WDR17: variants seen among roughly 807,000 people sequenced by gnomAD.
WDR17 encodes WD repeat domain 17, also known as WD repeat-containing protein 17.
A neutral mutation model predicts 161.7 loss-of-function variants in WDR17; 143 were observed. The ratio of observed to expected loss-of-function variants is 0.88; its 90% CI spans 0.77 to 1.02. The LOEUF (loss-of-function observed/expected upper bound fraction) is 1.02. Ranked by LOEUF, WDR17 falls within the 50% of genes least tolerant of loss-of-function variation. The pLI, the probability that WDR17 is intolerant of heterozygous loss-of-function variation, is 0.00. For synonymous variants in WDR17, 517 were observed against 515.6 expected, an observed-to-expected ratio of 1.00 and a Z score of -0.04; for missense variants, 1,469 against 1,520.9, an observed-to-expected ratio of 0.97 and a Z score of 0.57.
chr4:176,148,140 C>T lies in WDR17; in HGVS notation c.1702C>T (p.Arg568Ter), dbSNP rs556941855. Residue 568 changes from arginine (R) to a stop codon, truncating the protein, a stop_gained, in exon 13 of 29, where the codon CGA becomes TGA. Coordinates refer to ENST00000508596, the MANE Select transcript of WDR17 (RefSeq NM_181265.4). LOFTEE classifies it high-confidence loss of function. ...ATAATATTCTGTTTTCAGTACCGTT[C>T]GAATCTGGGATTATACTCAGGATGC... ...LCSGSDDGTV[R>*]IWDYTQDACI... 3.1e-6 allele frequency: 5 copies of T among 1,613,636 alleles called. No individual in the cohort carries two copies. The highest frequency in any genetic ancestry group is 3.3e-5 in the Admixed American group (2 of 59,996).
At chr4:176,134,308 C>T (rs962758677) in intron 7 of WDR17, among the ~76,000 whole-genome samples, 1 of 151,686 alleles carries the variant, frequency 6.6e-6, no homozygotes, top group African/African-American at 2.4e-5. Flanking sequence ...CTCTAGATCC[C>T]AAATGTTAGT....
intron 1 of WDR17, among the ~76,000 whole-genome samples, chr4:176,109,995 A>C (rs1438749198): frequency 6.6e-6 from 1 of 152,204 alleles, no homozygotes; most frequent in Non-Finnish European, 1.5e-5. Flanking sequence ...TTAAGATTAT[A>C]ATCACTACTT....
At chr4:176,120,202 C>A in intron 4 of WDR17, 105 bp downstream of exon 4, 3 of 743,394 alleles carry the variant, frequency 4.0e-6, no homozygotes, top group East Asian at 2.9e-5. Context: ...TGAATAAAAC[C>A]AAAAGTGACA....
At chr4:176,111,054 T>C (rs369782935) in intron 1 of WDR17, among the ~76,000 whole-genome samples, 3 of 152,276 alleles carry the variant, frequency 2.0e-5, no homozygotes, top group Admixed American at 2.0e-4. Flanking sequence ...GGATGAAGAG[T>C]TGATGTAAAA....
At chr4:176,119,783 A>T in intron 3 of WDR17, 84 bp from the exon 4 acceptor site, 2 of 1,195,326 alleles carry the variant, frequency 1.7e-6, no homozygotes, top group Non-Finnish European at 2.4e-6. Flanking sequence ...AATTTGTTTT[A>T]GAAATGTAAA....
Position 176,160,054 on chromosome 4 carries a change from T to G in WDR17, c.2586T>G (p.Ile862Met), listed in dbSNP as rs747623017. The change falls in exon 19 of 29, where the codon ATT (isoleucine) becomes ATG (methionine). Residue 862 changes from isoleucine to methionine, a missense_variant. By Grantham distance (10) the Ile-to-Met change is conservative (BLOSUM62 1). Transcript: ENST00000508596. ...KDDVIPYCIA[I>M]GDVKKLVHFF... ...ATGTCATTCCATACTGCATAGCCAT[T>G]GGTGATGTGAAAAAGCTAGTCCATT... The G allele has an allele frequency of 1.2e-6, 2 of 1,613,804 alleles. No individual in the cohort carries two copies. The highest frequency in any genetic ancestry group is 1.7e-6 in the Non-Finnish European group (2 of 1,179,786).
At chr4:176,167,542 AGG>A (rs1749979884) in intron 22 of WDR17, among the ~76,000 whole-genome samples, 1 of 141,444 alleles carries the variant, frequency 7.1e-6, no homozygotes, top group Non-Finnish European at 1.5e-5. Flanking sequence ...GCTACTCGGG[AGG>A]CTGAGGCAGG....
rs1357618903 is a variant in WDR17 at position 176,180,948 on chromosome 4, C to G, written c.*1369C>G. ...TGCATACTGGAAGTACTTTGATACT[C>G]AAGTTGTTTCACAAGATTTATAATA... On this transcript the variant is annotated 3_prime_UTR_variant, in exon 29 of 29. Coordinates refer to ENST00000508596, the MANE Select transcript of WDR17 (RefSeq NM_181265.4). The G allele has an allele frequency of 6.6e-6, 1 of 152,088 alleles. No homozygotes were observed. Among genetic ancestry groups the G allele is most frequent in the Non-Finnish European group, 1.5e-5 (1 of 68,026 alleles). The allele number at this position is 152,088 out of a possible 1,614,324, so 9.4% of individuals were successfully genotyped here.
At chr4:176,171,923 G>A (rs1579261798) in intron 23 of WDR17, among the ~76,000 whole-genome samples, 1 of 152,076 alleles carries the variant, frequency 6.6e-6, no homozygotes, top group East Asian at 1.9e-4. Context: ...AGGTTGCTTT[G>A]TTTCAAAAGC....
At chr4:176,177,249 C>T in intron 27 of WDR17, 93 bp downstream of exon 27, 1 of 1,177,028 alleles carries the variant, frequency 8.5e-7, no homozygotes, top group Non-Finnish European at 1.2e-6. Context: ...TTAATTTTAG[C>T]AGAATAATGA....
intron 1 of WDR17, among the ~76,000 whole-genome samples, chr4:176,068,559 G>A (rs944364974): frequency 3.3e-5 from 5 of 152,030 alleles, no homozygotes; most frequent in African/African-American, 9.7e-5. Flanking sequence ...CCAAGATTGC[G>A]CCACTGCATG....
At chr4:176,113,013 A>C (rs1285529641) in intron 2 of WDR17, among the ~76,000 whole-genome samples, 1 of 152,150 alleles carries the variant, frequency 6.6e-6, no homozygotes, top group Non-Finnish European at 1.5e-5. Flanking sequence ...GTAAGATTTT[A>C]TGTAGTCCAT....
rs778446114 is a variant in WDR17, at chr4:176,162,052, A to T, written c.2751-23A>T. ...TAATGGAATACTTGTGTTTATATAG[A>T]ATACACATTTTTTTCTTTCTAGACT... On this transcript the variant is annotated intron_variant, in intron 20 of 28. Transcript: ENST00000508596. 2.5e-6 allele frequency: 4 copies of T among 1,577,718 alleles called. No homozygotes were observed. In the African/African-American group the frequency reaches 4.1e-5, roughly 16 times the overall value.
intron 16 of WDR17, 71 bp from the exon 17 acceptor site, chr4:176,151,741 C>T: frequency 7.5e-7 from 1 of 1,331,632 alleles, no homozygotes; most frequent in Middle Eastern, 1.9e-4. Flanking sequence ...AAATATGCAA[C>T]AAATTATTGT....
intron 4 of WDR17, among the ~76,000 whole-genome samples, chr4:176,120,529 G>A (rs931037325): frequency 6.6e-6 from 1 of 151,670 alleles, no homozygotes; most frequent in Non-Finnish European, 1.5e-5. Flanking sequence ...CTGATGCCAC[G>A]GCTCCTTGGC....
chr4:176,149,369 A>G (rs1281084002), intron 13 of WDR17, among the ~76,000 whole-genome samples: 1 of 152,034 alleles, frequency 6.6e-6, no homozygotes, highest in African/African-American at 2.4e-5. Flanking sequence ...TCCCAGGTTC[A>G]AGAGATCCTC....
chr4:176,098,765 TG>T (rs1737311565), intron 1 of WDR17, among the ~76,000 whole-genome samples: 1 of 152,002 alleles, frequency 6.6e-6, no homozygotes, highest in Non-Finnish European at 1.5e-5. Context: ...CAATAATGTA[TG>T]ATATGCTTTT....
chr4:176,067,994 G>A lies in WDR17; in HGVS notation c.-7+1915G>A, dbSNP rs373203379. The stretch of plus-strand genomic sequence containing the variant: ...TTAATGACGACTAAAATGTAATTCT[G>A]ACAGTTTTGAAGGATTCACATTTTC... On this transcript the variant is annotated intron_variant, in intron 1 of 28. Coordinates refer to ENST00000508596, the MANE Select transcript of WDR17 (RefSeq NM_181265.4). Among the ~76,000 whole-genome samples, 36 of 152,232 alleles carry A rather than the reference G, an allele frequency of 2.4e-4. No individual in the cohort carries two copies. In the East Asian group the frequency reaches 3.7e-3, roughly 15 times the overall value.
At position 176,151,913 on chromosome 4, in the gene WDR17, C is replaced by T. The variant is rs763853702; in HGVS notation, c.2406C>T (p.His802=). The change falls in exon 17 of 29, where the codon CAC becomes CAT. Residue 802 remains histidine (H), a synonymous_variant. Coordinates refer to ENST00000508596, the MANE Select transcript of WDR17 (RefSeq NM_181265.4). ...GACTGAAGGAAGCTGCTGAAATCCA[C>T]TTGAGATTAGGACAAATTCAGAGAT... The part of the protein sequence containing the change: ...EERLKEAAEI[H]LRLGQIQRYC... The T allele has an allele frequency of 3.7e-6, 6 of 1,613,186 alleles. No homozygotes were observed. The highest frequency in any genetic ancestry group is 1.1e-5 in the South Asian group (1 of 90,830).
Sources: allele counts gnomAD v4.1 joint callset (sites outside exome capture counted in the v4.1 genomes callset), GRCh38; gene constraint gnomAD v4.1.1; transcripts MANE v1.5; gene names NCBI Gene and HGNC (gene_info 2026-07-23, HGNC 2026-07-21).